Variants in NLGN1 observed in about 807,000 individuals in gnomAD.
NLGN1 encodes neuroligin 1, also known as neuroligin-1.
In NLGN1, 12 loss-of-function variants were observed where a neutral mutation model predicts 65.5. The ratio of observed to expected loss-of-function variants is 0.18; its 90% confidence interval spans 0.12 to 0.30. The LOEUF is 0.30. Ranked by LOEUF, NLGN1 falls within the 10% of genes least tolerant of loss-of-function variation. The pLI, the probability that NLGN1 is intolerant of heterozygous loss-of-function variation, is 1.00. For synonymous variants in NLGN1, 350 were observed against 359.5 expected (o/e 0.97, Z 0.30); for missense variants, 750 against 1,007.1 (o/e 0.74, Z 3.46).
chr3:174,114,107 A>C (rs573809040), intron 4 of NLGN1, among the ~76,000 whole-genome samples: 1 of 152,288 alleles, frequency 6.6e-6, no homozygotes, highest in East Asian at 1.9e-4. Context: ...TGTTAAATAG[A>C]ACTCCTCTTG....
At chr3:174,119,732 A>G (rs1717340142) in intron 4 of NLGN1, among the ~76,000 whole-genome samples, 1 of 152,206 alleles carries the variant, frequency 6.6e-6, no homozygotes, top group African/African-American at 2.4e-5. Flanking sequence ...CATCACTTTA[A>G]GATTTACCTC....
intron 4 of NLGN1, among the ~76,000 whole-genome samples, chr3:174,223,266 G>C (rs1561326067): frequency 2.6e-5 from 4 of 152,032 alleles, no homozygotes; most frequent in Non-Finnish European, 4.4e-5. Context: ...TGCCAATTCT[G>C]CTTTTTATGT....
chr3:173,620,126 GTTCT>G (rs1238365612), intron 3 of NLGN1, among the ~76,000 whole-genome samples: 1 of 152,132 alleles, frequency 6.6e-6, no homozygotes, highest in Non-Finnish European at 1.5e-5. Context: ...ACTGTAGAAT[GTTCT>G]TTCTGACAAC....
chr3:173,527,511 C>T (rs1396680640), intron 2 of NLGN1, among the ~76,000 whole-genome samples: 1 of 152,184 alleles, frequency 6.6e-6, no homozygotes, highest in Non-Finnish European at 1.5e-5. Flanking sequence ...CATTCTCCTG[C>T]CTCAGCCTCC....
At position 173,902,827 on chromosome 3, in the gene NLGN1, G is replaced by A. The variant is rs563238501; in HGVS notation, c.646+94995G>A. Among the ~76,000 whole-genome samples, 20 of 152,166 alleles carry A rather than the reference G, an allele frequency of 1.3e-4. No individual in the cohort carries two copies. The South Asian group carries it at 3.9e-3, about 30-fold the overall frequency. On this transcript the variant is annotated intron_variant, in intron 4 of 6. Transcript: ENST00000457714. ...AGATCATACCAGGAGCATTCATTTA[G>A]CAAAAATGCATTTTGTGAACTACTG...
intron 2 of NLGN1, among the ~76,000 whole-genome samples, chr3:173,552,181 A>G (rs576795919): frequency 2.0e-5 from 3 of 152,152 alleles, no homozygotes; most frequent in Non-Finnish European, 4.4e-5. Context: ...ACCCTCATGA[A>G]AATGTGGAGA....
At chr3:174,105,710 T>G (rs1011344855) in intron 4 of NLGN1, among the ~76,000 whole-genome samples, 3 of 147,550 alleles carry the variant, frequency 2.0e-5, no homozygotes, top group South Asian at 2.1e-4. Flanking sequence ...TCTATATCTA[T>G]ATCTAGATAT....
At chr3:173,670,725 T>G (rs1411777005) in intron 3 of NLGN1, among the ~76,000 whole-genome samples, 3 of 152,120 alleles carry the variant, frequency 2.0e-5, no homozygotes, top group African/African-American at 7.2e-5. Flanking sequence ...ACTGCTAGAG[T>G]GTGTGACCAT....
chr3:173,776,384 T>G (rs915589382), intron 3 of NLGN1, among the ~76,000 whole-genome samples: 2 of 152,012 alleles, frequency 1.3e-5, no homozygotes, highest in Non-Finnish European at 2.9e-5. Flanking sequence ...TGTTTAAAAT[T>G]ATTGTTGCAG....
chr3:174,138,772 C>T (rs937790780), intron 4 of NLGN1, among the ~76,000 whole-genome samples: 1 of 151,984 alleles, frequency 6.6e-6, no homozygotes, highest in Non-Finnish European at 1.5e-5. Flanking sequence ...TGCACAGCTG[C>T]ATAATTCTAG....
chr3:174,071,698 C>T (rs530308134), intron 4 of NLGN1, among the ~76,000 whole-genome samples: 38 of 148,554 alleles, frequency 2.6e-4, no homozygotes, highest in Middle Eastern at 3.5e-3. Context: ...ACAGCGAGAC[C>T]CTTTGCGAGA....
At chr3:174,086,145 C>T (rs1264992533) in intron 4 of NLGN1, among the ~76,000 whole-genome samples, 1 of 150,772 alleles carries the variant, frequency 6.6e-6, no homozygotes, top group Non-Finnish European at 1.5e-5. Context: ...TAATGACAAT[C>T]ACTTTTTCCT....
chr3:173,640,575 A>T (rs2149585239), intron 3 of NLGN1, among the ~76,000 whole-genome samples: 1 of 152,302 alleles, frequency 6.6e-6, no homozygotes, highest in African/African-American at 2.4e-5. Context: ...CATTTATTTA[A>T]TACAATAATC....
At chr3:173,411,019 C>T (rs766530499) in intron 1 of NLGN1, among the ~76,000 whole-genome samples, 8 of 152,286 alleles carry the variant, frequency 5.3e-5, no homozygotes, top group Non-Finnish European at 1.0e-4. Context: ...GTTACAGCTC[C>T]GCTGGCATAG....
downstream of NLGN1, among the ~76,000 whole-genome samples, chr3:174,287,113 CTTAAA>C (rs1752216655): frequency 6.6e-6 from 1 of 150,714 alleles, no homozygotes; most frequent in Admixed American, 6.6e-5. Flanking sequence ...AGGAAGATAT[CTTAAA>C]TTTAATTCTT....
intron 4 of NLGN1, among the ~76,000 whole-genome samples, chr3:173,956,599 T>C (rs530996019): frequency 7.5e-4 from 114 of 152,350 alleles, no homozygotes; most frequent in Admixed American, 1.7e-3. Flanking sequence ...TCTTCCCCTT[T>C]CTGCCCTGGT....
chr3:174,109,183 A>G (rs1714654174), intron 4 of NLGN1, among the ~76,000 whole-genome samples: 1 of 152,060 alleles, frequency 6.6e-6, no homozygotes, highest in Non-Finnish European at 1.5e-5. Context: ...AGTATAATGC[A>G]ATCTAAAACA....
At chr3:173,885,668 TAATC>T (rs928138747) in intron 4 of NLGN1, among the ~76,000 whole-genome samples, 1 of 152,162 alleles carries the variant, frequency 6.6e-6, no homozygotes, top group Non-Finnish European at 1.5e-5. Context: ...TATGTCACCA[TAATC>T]AATTCACTAA....
intron 4 of NLGN1, among the ~76,000 whole-genome samples, chr3:173,942,152 G>A (rs899242182): frequency 2.1e-5 from 3 of 144,566 alleles, no homozygotes; most frequent in African/African-American, 7.5e-5. Flanking sequence ...ATGTGTGTGT[G>A]TGTGTATGTG....
Sources: allele counts gnomAD v4.1 joint callset (sites outside exome capture counted in the v4.1 genomes callset), GRCh38; gene constraint gnomAD v4.1.1; transcripts MANE v1.5; gene names NCBI Gene and HGNC (gene_info 2026-07-23, HGNC 2026-07-21).